Variants in UNC5D observed in about 807,000 individuals in gnomAD.
The protein encoded by UNC5D is netrin receptor UNC5D.
UNC5D carries 39 observed loss-of-function variants against 105.4 expected under a neutral mutation model. The ratio of observed to expected loss-of-function variants is 0.37; its 90% CI spans 0.29 to 0.48. The LOEUF (loss-of-function observed/expected upper bound fraction) is 0.48. UNC5D is among the 20% of genes least tolerant of loss of function. The pLI, the probability that UNC5D is intolerant of heterozygous loss-of-function variation, is 0.98. For missense variants in UNC5D, 991 were observed against 1,202.4 expected (o/e 0.82, Z 2.60); for synonymous variants, 452 against 450.4 (o/e 1.00, Z -0.04).
intron 1 of UNC5D, among the ~76,000 whole-genome samples, chr8:35,263,204 G>A (rs1378913310): frequency 6.6e-6 from 1 of 152,134 alleles, no homozygotes; most frequent in Non-Finnish European, 1.5e-5. Flanking sequence ...GAAAACCACT[G>A]TAAATCCCTC....
At chr8:35,589,905 C>T (rs1228656364) in intron 3 of UNC5D, among the ~76,000 whole-genome samples, 1 of 152,144 alleles carries the variant, frequency 6.6e-6, no homozygotes, top group Admixed American at 6.6e-5. Flanking sequence ...TTACAGCTCG[C>T]TCTTCATGTA....
At position 35,398,512 on chromosome 8, in the gene UNC5D, G is replaced by A. The variant is rs185627694; in HGVS notation, c.104-150780G>A. 3.4e-3 allele frequency among the ~76,000 whole-genome samples: 520 copies of A among 151,872 alleles called. 3 individuals carry two copies. The highest frequency in any genetic ancestry group is 0.012 in the African/African-American group (499 of 41,396). ...CTTAATTTGTAATTAGATACTAACA[G>A]TGCTTCTAAGCAGACATTAAAAAAA... On this transcript the variant is annotated intron_variant, in intron 1 of 16. Transcript: ENST00000404895.
chr8:35,478,879 A>G (rs767992662), intron 1 of UNC5D, among the ~76,000 whole-genome samples: 10 of 152,144 alleles, frequency 6.6e-5, no homozygotes, highest in Non-Finnish European at 8.8e-5. Context: ...ATTCTTAGCT[A>G]TTGAGTTTAT....
chr8:35,291,897 TGTA>T (rs1807093036), intron 1 of UNC5D, among the ~76,000 whole-genome samples: 1 of 152,210 alleles, frequency 6.6e-6, no homozygotes. Flanking sequence ...AAGACAAATG[TGTA>T]CTTCTTTGGA....
At chr8:35,604,222 C>G (rs567392606) in intron 4 of UNC5D, among the ~76,000 whole-genome samples, 2 of 152,118 alleles carry the variant, frequency 1.3e-5, no homozygotes, top group African/African-American at 4.8e-5. Flanking sequence ...TTCAGGAGCT[C>G]TTTTAGGGCA....
In UNC5D at chr8:35,498,312, A is replaced by G. The variant is rs537450764; in HGVS notation, c.104-50980A>G. On this transcript the variant is annotated intron_variant, in intron 1 of 16. Transcript: ENST00000404895. Reference sequence around the variant, plus strand: ...TAGGTTGGTTGGAGCAGATTGGAGTATATTAAAGACTGGGTGACAAACCCA... The same window carrying G: ...TAGGTTGGTTGGAGCAGATTGGAGTGTATTAAAGACTGGGTGACAAACCCA... Among the ~76,000 whole-genome samples the G allele has an allele frequency of 2.5e-3, 386 of 151,900 alleles. 3 individuals are homozygous for G. Among genetic ancestry groups the G allele is most frequent in the Non-Finnish European group, 2.9e-3 (200 of 67,984 alleles).
At chr8:35,709,737 GAGGGGAGAAAAAC>G (rs2131473245) in intron 8 of UNC5D, among the ~76,000 whole-genome samples, 1 of 152,194 alleles carries the variant, frequency 6.6e-6, no homozygotes, top group South Asian at 2.1e-4. Context: ...GAATAGAACT[GAGGGGAGAAAAAC>G]AAGGAAACAA....
At chr8:35,236,131 T>C (rs1339486585) in intron 1 of UNC5D, among the ~76,000 whole-genome samples, 1 of 152,096 alleles carries the variant, frequency 6.6e-6, no homozygotes, top group Non-Finnish European at 1.5e-5. Flanking sequence ...TCCTGGACCC[T>C]CCTTGCCTGC....
At chr8:35,246,630 A>G (rs574044111) in intron 1 of UNC5D, among the ~76,000 whole-genome samples, 73 of 152,068 alleles carry the variant, frequency 4.8e-4, no homozygotes, top group Non-Finnish European at 9.6e-4. Context: ...TTAAACTTGC[A>G]GATCTGAAGT....
At chr8:35,746,610 T>C (rs937707327) in intron 11 of UNC5D, among the ~76,000 whole-genome samples, 1 of 152,194 alleles carries the variant, frequency 6.6e-6, no homozygotes, top group Non-Finnish European at 1.5e-5. Flanking sequence ...GCTGTTTAAG[T>C]TACCACTGTG....
At chr8:35,709,034 C>A (rs995142827) in intron 8 of UNC5D, among the ~76,000 whole-genome samples, 1 of 152,134 alleles carries the variant, frequency 6.6e-6, no homozygotes, top group African/African-American at 2.4e-5. Flanking sequence ...TTTTCCTGCT[C>A]AATACCCAAC....
chr8:35,338,585 G>A (rs1239854478), intron 1 of UNC5D, among the ~76,000 whole-genome samples: 1 of 152,110 alleles, frequency 6.6e-6, no homozygotes, highest in Non-Finnish European at 1.5e-5. Flanking sequence ...AGTACTGAAT[G>A]CCCATTGCAG....
At chr8:35,463,199 T>A (rs1477307492) in intron 1 of UNC5D, among the ~76,000 whole-genome samples, 3 of 152,210 alleles carry the variant, frequency 2.0e-5, no homozygotes, top group African/African-American at 7.2e-5. Context: ...GCACACCCTC[T>A]CCTCTCTGCC....
intron 1 of UNC5D, among the ~76,000 whole-genome samples, chr8:35,530,958 T>C (rs1278163379): frequency 1.6e-4 from 24 of 148,994 alleles, no homozygotes. Context: ...TTAGTCTTGC[T>C]AGTGGTCTAT....
chr8:35,249,002 C>A (rs1240778557), intron 1 of UNC5D, among the ~76,000 whole-genome samples: 40 of 70,130 alleles, frequency 5.7e-4, no homozygotes, highest in Non-Finnish European at 7.2e-4. Flanking sequence ...TATATATAAA[C>A]ATATATAATA....
intron 11 of UNC5D, among the ~76,000 whole-genome samples, chr8:35,731,399 C>CAAAAAAAAA (rs57529561): frequency 4.6e-4 from 14 of 30,654 alleles, no homozygotes; most frequent in African/African-American, 8.3e-4. Context: ...ACTCTGTCTC[C>CAAAAAAAAA]AAAAAAAAAA....
At chr8:35,435,659 G>C (rs887390254) in intron 1 of UNC5D, among the ~76,000 whole-genome samples, 1 of 152,092 alleles carries the variant, frequency 6.6e-6, no homozygotes, top group Non-Finnish European at 1.5e-5. Flanking sequence ...GGCCAAAGAA[G>C]TAAACAAATG....
At chr8:35,516,717 T>A (rs1813122993) in intron 1 of UNC5D, among the ~76,000 whole-genome samples, 1 of 152,186 alleles carries the variant, frequency 6.6e-6, no homozygotes, top group Non-Finnish European at 1.5e-5. Flanking sequence ...CCTTCCTGTA[T>A]CCAGCACAAG....
chr8:35,735,071 T>G (rs1829396749), intron 11 of UNC5D, among the ~76,000 whole-genome samples: 1 of 152,182 alleles, frequency 6.6e-6, no homozygotes, highest in Non-Finnish European at 1.5e-5. Flanking sequence ...AACCACCACG[T>G]GCCCAGCCTT....
Sources: allele counts gnomAD v4.1 joint callset (sites outside exome capture counted in the v4.1 genomes callset), GRCh38; gene constraint gnomAD v4.1.1; transcripts MANE v1.5; gene names NCBI Gene and HGNC (gene_info 2026-07-23, HGNC 2026-07-21).